RFX3: variants seen among roughly 807,000 people sequenced by gnomAD.
The protein encoded by RFX3 is transcription factor RFX3.
RFX3 carries 14 observed loss-of-function variants against 98.6 expected under a neutral mutation model. That is an observed-to-expected ratio of 0.14 (90% CI 0.09 to 0.22). RFX3 has a LOEUF of 0.22. RFX3 is among the 10% of genes least tolerant of loss of function. The pLI, the probability that RFX3 is intolerant of heterozygous loss-of-function variation, is 1.00. For synonymous variants in RFX3, 383 were observed against 328.4 expected (o/e 1.17, Z -1.80); for missense variants, 639 against 926.9 (o/e 0.69, Z 4.03).
intron 1 of RFX3, among the ~76,000 whole-genome samples, chr9:3,448,544 A>C (rs1487097857): frequency 6.6e-6 from 1 of 152,106 alleles, no homozygotes; most frequent in Non-Finnish European, 1.5e-5. Context: ...GAAGGGTCTC[A>C]TTCTGTCGCC....
intron 2 of RFX3, among the ~76,000 whole-genome samples, chr9:3,350,856 T>G (rs529472975): frequency 6.0e-4 from 91 of 152,168 alleles, no homozygotes; most frequent in Non-Finnish European, 1.2e-3. Context: ...GGTTACATAC[T>G]GTAGGATTTC....
At chr9:3,464,591 G>A (rs956480027) in intron 1 of RFX3, among the ~76,000 whole-genome samples, 3 of 152,110 alleles carry the variant, frequency 2.0e-5, no homozygotes, top group South Asian at 2.1e-4. Context: ...GTAGATCTGC[G>A]GTTGCCAGGA....
At chr9:3,371,978 A>G (rs1837909789) in intron 2 of RFX3, among the ~76,000 whole-genome samples, 1 of 152,206 alleles carries the variant, frequency 6.6e-6, no homozygotes, top group Non-Finnish European at 1.5e-5. Context: ...ATGTTTAGCC[A>G]CAATAGAGAT....
chr9:3,373,689 G>C (rs1038006461), intron 2 of RFX3, among the ~76,000 whole-genome samples: 3 of 152,132 alleles, frequency 2.0e-5, no homozygotes, highest in African/African-American at 7.2e-5. Context: ...TTTATATACA[G>C]ACCTGTTTGC....
intron 16 of RFX3, 150 bp from the exon 17 acceptor site, chr9:3,225,430 T>A (rs1817651333): frequency 8.2e-7 from 1 of 1,213,130 alleles, no homozygotes; most frequent in South Asian, 1.6e-5. Flanking sequence ...TTTCTTTTCA[T>A]CAGATTTTAT....
At position 3,375,027 on chromosome 9, in the gene RFX3, A is replaced by C. The variant is rs535594311; in HGVS notation, c.117+20445T>G. 3.2e-4 allele frequency among the ~76,000 whole-genome samples: 49 copies of C among 152,306 alleles called. No homozygotes were observed. The South Asian group carries it at 9.7e-3, about 30-fold the overall frequency. ...TATTTATCCCATAAATATTATCCAT[A>C]CTATTTGCAGTATGTACATTATAAA... On this transcript the variant is annotated intron_variant, in intron 2 of 16. Coordinates refer to ENST00000617270, the MANE Select transcript of RFX3 (RefSeq NM_001282116.2).
chr9:3,313,117 T>C (rs4008965), intron 4 of RFX3, among the ~76,000 whole-genome samples: 41 of 152,158 alleles, frequency 2.7e-4, no homozygotes, highest in Middle Eastern at 3.4e-3. Context: ...CACTTCCCAG[T>C]AGGGGCCGAC....
At position 3,223,200 on chromosome 9, in the gene RFX3, G is replaced by GT. The variant is rs1234393734; in HGVS notation, c.*1841dup. The GT allele has an allele frequency of 6.6e-6, 1 of 151,762 alleles. No individual in the cohort carries two copies. Among genetic ancestry groups the GT allele is most frequent in the Non-Finnish European group, 1.5e-5 (1 of 67,980 alleles). 9.4% of individuals were successfully genotyped at this position (151,762 alleles called of 1,614,324 possible). A position where few individuals can be genotyped will look rare whatever the true frequency, so the allele number is the denominator to read the frequency against. On this transcript the variant is annotated 3_prime_UTR_variant, in exon 17 of 17. Transcript: ENST00000617270. The stretch of plus-strand genomic sequence containing the variant: ...ATTATCTATTTATTTTTGCTGATTA[G>GT]TTTTTTACAACTATTTAAATGAACA...
At chr9:3,333,254 A>G (rs1832796540) in intron 3 of RFX3, among the ~76,000 whole-genome samples, 1 of 152,192 alleles carries the variant, frequency 6.6e-6, no homozygotes. Flanking sequence ...TTAATTTAAA[A>G]CAAATACTTT....
chr9:3,341,527 A>C (rs1822248547), intron 3 of RFX3, among the ~76,000 whole-genome samples: 1 of 152,226 alleles, frequency 6.6e-6, no homozygotes, highest in African/African-American at 2.4e-5. Context: ...GCATGTGGTC[A>C]GCAGTATCTC....
chr9:3,251,246 A>T (rs1821356211), intron 14 of RFX3, among the ~76,000 whole-genome samples: 6 of 152,358 alleles, frequency 3.9e-5, no homozygotes, highest in Admixed American at 3.9e-4. Context: ...TATGGTAAAC[A>T]ACTGGATCCC....
chr9:3,424,497 G>T (rs375241571), intron 1 of RFX3, among the ~76,000 whole-genome samples: 1 of 150,910 alleles, frequency 6.6e-6, no homozygotes, highest in African/African-American at 2.4e-5. Context: ...GAGTAGCTGG[G>T]ACTACAGGCG....
intron 6 of RFX3, among the ~76,000 whole-genome samples, chr9:3,288,935 A>C (rs1826982751): frequency 6.6e-6 from 1 of 152,088 alleles, no homozygotes; most frequent in South Asian, 2.1e-4. Context: ...GAGATGGGGA[A>C]ATTTCTCTAT....
intron 1 of RFX3, among the ~76,000 whole-genome samples, chr9:3,462,507 A>G (rs540597231): frequency 3.3e-5 from 5 of 152,164 alleles, no homozygotes; most frequent in Non-Finnish European, 7.4e-5. Context: ...CTCCCTCCCC[A>G]TTTTTACTCA....
chr9:3,374,957 C>A (rs1285377956), intron 2 of RFX3, among the ~76,000 whole-genome samples: 1 of 151,678 alleles, frequency 6.6e-6, no homozygotes, highest in Non-Finnish European at 1.5e-5. Flanking sequence ...CGTAATTTAT[C>A]ATTGTCATGA....
intron 1 of RFX3, among the ~76,000 whole-genome samples, chr9:3,498,021 G>A (rs760123121): frequency 6.6e-6 from 1 of 151,994 alleles, no homozygotes; most frequent in Non-Finnish European, 1.5e-5. Flanking sequence ...TATATTTACA[G>A]CTTATTGCTG....
At chr9:3,282,981 G>T (rs1256170995) in intron 7 of RFX3, among the ~76,000 whole-genome samples, 1 of 151,702 alleles carries the variant, frequency 6.6e-6, no homozygotes, top group Non-Finnish European at 1.5e-5. Flanking sequence ...TACTACTCAG[G>T]AGCATAAGTG....
intron 11 of RFX3, among the ~76,000 whole-genome samples, chr9:3,266,902 G>T (rs1004651169): frequency 6.6e-6 from 1 of 151,974 alleles, no homozygotes; most frequent in South Asian, 2.1e-4. Flanking sequence ...AGAGGTAAAC[G>T]ATCAGTATGA....
At chr9:3,226,402 G>T (rs1168156557) in intron 16 of RFX3, among the ~76,000 whole-genome samples, 1 of 152,142 alleles carries the variant, frequency 6.6e-6, no homozygotes, top group East Asian at 1.9e-4. Context: ...GTTTGTTCTA[G>T]AAAAAAGCAG....
Sources: gnomAD v4.1 joint callset for allele counts (sites outside exome capture counted in the v4.1 genomes callset) on GRCh38, gnomAD v4.1.1 for gene constraint, MANE v1.5 for transcripts, NCBI Gene and HGNC (gene_info 2026-07-23, HGNC 2026-07-21) for gene names.